Variants in THYN1 observed in about 807,000 individuals in gnomAD.
The protein encoded by THYN1 is thymocyte nuclear protein 1, also known as thymocyte protein thy28.
THYN1 carries 32 observed loss-of-function variants against 30.6 expected under a neutral mutation model. That is an observed-to-expected ratio of 1.05 (90% confidence interval 0.79 to 1.40). THYN1 has a LOEUF of 1.40. Ranked by LOEUF, THYN1 falls within the 40% of genes most tolerant of loss-of-function variation. The pLI is 0.00. For synonymous variants in THYN1, 107 were observed against 90.8 expected (o/e 1.18, Z -1.01); for missense variants, 259 against 272.6 (o/e 0.95, Z 0.35).
intron 1 of THYN1, 148 bp downstream of exon 1, chr11:134,252,688 CAAGT>C: frequency 1.2e-6 from 1 of 862,794 alleles, no homozygotes; most frequent in Non-Finnish European, 1.8e-6. Context: ...CTTGGTGAGA[CAAGT>C]AAAGAAGATG....
chr11:134,251,068 C>T lies in THYN1; in HGVS notation c.222+62G>A, dbSNP rs527746528. 5.4e-4 allele frequency: 816 copies of T among 1,501,336 alleles called. 2 individuals carry two copies. The highest frequency in any genetic ancestry group is 7.0e-4 in the Non-Finnish European group (786 of 1,118,820). The allele number at this position is 1,501,336 out of a possible 1,614,324, so 93.0% of individuals were successfully genotyped here. ...GCTGGGGATGGAACCCTATGGTGTC[C>T]CATATTCACTTCTCATTTAAAAAAC... On this transcript the variant is annotated intron_variant, in intron 2 of 6. Transcript: ENST00000341541.
At chr11:134,250,186 C>CGG in intron 3 of THYN1, 89 bp downstream of exon 3, 1 of 1,479,354 alleles carries the variant, frequency 6.8e-7, no homozygotes, top group Non-Finnish European at 9.4e-7. Context: ...CAACCTTGGC[C>CGG]AAGAGGTTCT....
At chr11:134,248,722 A>G (rs1327200387) in intron 6 of THYN1, 87 bp downstream of exon 6, 2 of 1,568,112 alleles carry the variant, frequency 1.3e-6, no homozygotes, top group Non-Finnish European at 1.7e-6. Flanking sequence ...AAGGTGAAGT[A>G]CCATGCCCAA....
Position 134,249,947 on chromosome 11 carries a change from A to G in THYN1, c.292-27T>C, listed in dbSNP as rs374846420. ...TGTCCCGGGAGAAGAAAGAGTAACT[A>G]TCCTCCCACCAGCTGGAAAGTACTA... On this transcript the variant is annotated intron_variant, in intron 3 of 6. Coordinates refer to ENST00000341541, the MANE Select transcript of THYN1 (RefSeq NM_014174.3). 278 of 1,600,766 alleles carry G rather than the reference A, an allele frequency of 1.7e-4. No individual in the cohort carries two copies. The African/African-American group carries it at 3.2e-3, about 19-fold the overall frequency.
In THYN1 at chr11:134,248,477, A is replaced by G. The variant is rs1483483564; in HGVS notation, c.639T>C (p.Phe213=). Residue 213 remains phenylalanine, a synonymous_variant, in exon 7 of 7, where the codon TTT becomes TTC. Transcript: ENST00000341541. ...TTTCCTCCAGGCTCAAAACAAAATC[A>G]AACTCTTCTACAAAAAAAAAAGGGA... ...LSIQPLTQEE[F]DFVLSLEEKE... 1 of 1,612,820 alleles carries G rather than the reference A, an allele frequency of 6.2e-7. No individual in the cohort carries two copies. Among genetic ancestry groups the G allele is most frequent in the African/African-American group, 1.3e-5 (1 of 74,198 alleles).
intron 3 of THYN1, 81 bp downstream of exon 3, chr11:134,250,188 AGAGGTT>A: frequency 6.7e-7 from 1 of 1,487,620 alleles, no homozygotes; most frequent in Non-Finnish European, 9.3e-7. Flanking sequence ...ACCTTGGCCA[AGAGGTT>A]CTGCTACTGA....
chr11:134,252,402 A>C (rs12278812), intron 1 of THYN1, among the ~76,000 whole-genome samples: 18,394 of 152,218 alleles, frequency 0.12, 1,529 homozygotes, highest in Non-Finnish European at 0.18. Flanking sequence ...GATTATAAAA[A>C]CGACATCACG....
Position 134,253,195 on chromosome 11 carries a change from T to G in THYN1, c.-313A>C, listed in dbSNP as rs1366208745. 7 of 1,328,818 alleles carry G rather than the reference T, an allele frequency of 5.3e-6. No homozygotes were observed. Among genetic ancestry groups the G allele is most frequent in the East Asian group, 3.2e-5 (1 of 31,458 alleles). 82.3% of individuals were successfully genotyped at this position (1,328,818 alleles called of 1,614,324 possible). A position where few individuals can be genotyped will look rare whatever the true frequency, so the allele number is the denominator to read the frequency against. On this transcript the variant is annotated 5_prime_UTR_variant, in exon 1 of 7. Coordinates refer to ENST00000341541, the MANE Select transcript of THYN1 (RefSeq NM_014174.3). ...GGAAGTGGCTCCACAGAGACACTTT[T>G]GTTGGGTGAATATAAGTAAGCCTTG...
rs928271969 is a variant in THYN1 at position 134,253,346 on chromosome 11, G to A, written c.-464C>T. The A allele has an allele frequency of 5.7e-6, 8 of 1,410,050 alleles. No individual in the cohort carries two copies. In the African/African-American group the frequency reaches 5.8e-5, roughly 10 times the overall value. 87.3% of individuals were successfully genotyped at this position (1,410,050 alleles called of 1,614,324 possible). On this transcript the variant is annotated 5_prime_UTR_variant, in exon 1 of 7. Transcript: ENST00000341541. ...GCGGTCCGCCTCCGCTGCGCCGCAG[G>A]CTGTGCAGCGCGACCCCCGCGGCGC...
Position 134,253,150 on chromosome 11 carries a change from T to A in THYN1, c.-268A>T, listed in dbSNP as rs2136066783. Reference sequence around the variant, plus strand: ...GGTCCTTCTCATCCAGGAACCCCTATCTCAGTATGTAGTTCACTGGGAAGT... The same window carrying A: ...GGTCCTTCTCATCCAGGAACCCCTAACTCAGTATGTAGTTCACTGGGAAGT... On this transcript the variant is annotated 5_prime_UTR_variant, in exon 1 of 7. Transcript: ENST00000341541. 1 of 1,349,952 alleles carries A rather than the reference T, an allele frequency of 7.4e-7. No homozygotes were observed. Among genetic ancestry groups the A allele is most frequent in the African/African-American group, 1.5e-5 (1 of 66,368 alleles). The allele number at this position is 1,349,952 out of a possible 1,614,324, so 83.6% of individuals were successfully genotyped here.
intron 6 of THYN1, 55 bp from the exon 7 acceptor site, chr11:134,248,539 CAGGA>C (rs1247612522): frequency 6.2e-7 from 1 of 1,604,702 alleles, no homozygotes; most frequent in Non-Finnish European, 8.5e-7. Flanking sequence ...CCCTCTTGAA[CAGGA>C]AAGTTGTGCC....
chr11:134,252,846 C>A lies in THYN1; in HGVS notation c.37G>T (p.Gly13Cys), dbSNP rs1939175297. Residue 13 changes from glycine to cysteine, a missense_variant, in exon 1 of 7, where the codon GGT becomes TGT. By Grantham distance (159) the Gly-to-Cys change is radical. Transcript: ENST00000341541. ...CAGCCTAGGGGCAGCTCACCTGAAC[C>A]AGAAGTCCCAGCCAGCCTCTTCCGG... ...RPRKRLAGTS[G>C]SDKGLSGKRT... 2 of 1,611,878 alleles carry A rather than the reference C, an allele frequency of 1.2e-6. No homozygotes were observed. The highest frequency in any genetic ancestry group is 3.4e-5 in the Admixed American group (2 of 59,398).
chr11:134,250,351 A>G lies in THYN1; in HGVS notation c.223-8T>C. On this transcript the variant is annotated splice_region_variant and splice_polypyrimidine_tract_variant and intron_variant, in intron 2 of 6. Coordinates refer to ENST00000341541, the MANE Select transcript of THYN1 (RefSeq NM_014174.3). Reference sequence around the variant, plus strand: ...GAGATCCTCAATGCTGAACTAGGCAAGAGGAAATAAATTCAATCATTAAAC... The same window carrying G: ...GAGATCCTCAATGCTGAACTAGGCAGGAGGAAATAAATTCAATCATTAAAC... The G allele has an allele frequency of 6.2e-7, 1 of 1,614,134 alleles. No individual in the cohort carries two copies.
intron 6 of THYN1, 112 bp downstream of exon 6, chr11:134,248,697 G>C: frequency 6.7e-7 from 1 of 1,483,120 alleles, no homozygotes; most frequent in Non-Finnish European, 9.2e-7. Context: ...TTACAGGTGA[G>C]GATGCTGACT....
chr11:134,249,478 T>C (rs1206554881), intron 4 of THYN1, among the ~76,000 whole-genome samples: 3 of 152,236 alleles, frequency 2.0e-5, no homozygotes, highest in Non-Finnish European at 4.4e-5. Flanking sequence ...AAAAACATGC[T>C]CTAAAAACAA....
At chr11:134,252,773 T>A in intron 1 of THYN1, 67 bp downstream of exon 1, 1 of 1,570,314 alleles carries the variant, frequency 6.4e-7, no homozygotes, top group East Asian at 2.2e-5. Context: ...GAAAAATGAG[T>A]ACTAAACAGG....
Position 134,253,187 on chromosome 11 carries a change from G to T in THYN1, c.-305C>A, listed in dbSNP as rs192774809. 7.5e-7 allele frequency: 1 copy of T among 1,331,408 alleles called. No homozygotes were observed. The highest frequency in any genetic ancestry group is 1.5e-5 in the African/African-American group (1 of 66,052). The allele number at this position is 1,331,408 out of a possible 1,614,324, so 82.5% of individuals were successfully genotyped here. ...GTTCACTGGGAAGTGGCTCCACAGAGACACTTTTGTTGGGTGAATATAAGT... is the reference window on the plus strand; with the variant it reads ...GTTCACTGGGAAGTGGCTCCACAGATACACTTTTGTTGGGTGAATATAAGT... On this transcript the variant is annotated 5_prime_UTR_variant, in exon 1 of 7. Transcript: ENST00000341541.
Position 134,249,767 on chromosome 11 carries a change from A to G in THYN1, c.384+61T>C, listed in dbSNP as rs552935743. On this transcript the variant is annotated intron_variant, in intron 4 of 6. Transcript: ENST00000341541. Reference sequence around the variant, plus strand: ...GCCTAATTAAGGTATATCCCTTTATATCTACTTAAGTTAGTCTCCCTGGAG... The same window carrying G: ...GCCTAATTAAGGTATATCCCTTTATGTCTACTTAAGTTAGTCTCCCTGGAG... 6 of 1,514,164 alleles carry G rather than the reference A, an allele frequency of 4.0e-6. No homozygotes were observed. The Admixed American group carries it at 6.9e-5, about 18-fold the overall frequency. 93.8% of individuals were successfully genotyped at this position (1,514,164 alleles called of 1,614,324 possible). A position where few individuals can be genotyped will look rare whatever the true frequency, so the allele number is the denominator to read the frequency against.
At position 134,248,503 on chromosome 11, in the gene THYN1, A is replaced by T; in HGVS notation, c.632-19T>A. The T allele has an allele frequency of 1.2e-6, 2 of 1,613,898 alleles. No homozygotes were observed. Among genetic ancestry groups the T allele is most frequent in the Non-Finnish European group, 1.7e-6 (2 of 1,179,890 alleles). On this transcript the variant is annotated intron_variant, in intron 6 of 6. Coordinates refer to ENST00000341541, the MANE Select transcript of THYN1 (RefSeq NM_014174.3). ...AACTCTTCTACAAAAAAAAAAGGGA[A>T]AAAGGAAGGATTAGTTTTTAATGTC...
Sources: gnomAD v4.1 joint callset for allele counts (sites outside exome capture counted in the v4.1 genomes callset) on GRCh38, gnomAD v4.1.1 for gene constraint, MANE v1.5 for transcripts, NCBI Gene and HGNC (gene_info 2026-07-23, HGNC 2026-07-21) for gene names.